SYNDIG1: variants seen among roughly 807,000 people sequenced by gnomAD.
SYNDIG1 encodes synapse differentiation-inducing gene protein 1.
In SYNDIG1, 9 loss-of-function variants were observed where a neutral mutation model predicts 19.4. The ratio of observed to expected loss-of-function variants is 0.46; its 90% CI spans 0.28 to 0.81. The LOEUF (loss-of-function observed/expected upper bound fraction) is 0.81, where lower values mean the gene tolerates loss of function less well. SYNDIG1 is among the 30% of genes least tolerant of loss of function. The probability of loss-of-function intolerance (pLI) is 0.12; values close to 1 mark genes in which losing one functional copy is unlikely to be tolerated. For synonymous variants in SYNDIG1, 141 were observed against 145.9 expected (o/e 0.97, Z 0.24); for missense variants, 311 against 343.3 (o/e 0.91, Z 0.74).
intron 3 of SYNDIG1, among the ~76,000 whole-genome samples, chr20:24,644,925 A>G (rs1333955249): frequency 6.6e-6 from 1 of 152,246 alleles, no homozygotes; most frequent in Non-Finnish European, 1.5e-5. Context: ...CAAAGACCCC[A>G]TGACACAGTA....
chr20:24,566,080 T>C (rs1445231459), intron 2 of SYNDIG1, among the ~76,000 whole-genome samples: 1 of 151,566 alleles, frequency 6.6e-6, no homozygotes, highest in Non-Finnish European at 1.5e-5. Context: ...AGTGAGTGAG[T>C]GGGGAATTCA....
At chr20:24,655,003 G>T (rs941435961) in intron 3 of SYNDIG1, among the ~76,000 whole-genome samples, 3 of 152,208 alleles carry the variant, frequency 2.0e-5, no homozygotes, top group African/African-American at 4.8e-5. Flanking sequence ...CACGCATGAT[G>T]TTCCGAAGCC....
At chr20:24,600,435 C>T (rs899049346) in intron 3 of SYNDIG1, among the ~76,000 whole-genome samples, 3 of 152,142 alleles carry the variant, frequency 2.0e-5, no homozygotes, top group Admixed American at 2.0e-4. Context: ...CTGGGACCCC[C>T]AGGGTAGAAG....
At chr20:24,473,033 C>A (rs2055514844) in intron 1 of SYNDIG1, among the ~76,000 whole-genome samples, 1 of 152,194 alleles carries the variant, frequency 6.6e-6, no homozygotes, top group Non-Finnish European at 1.5e-5. Context: ...TTCAGACCCT[C>A]ATGCACATTG....
intron 1 of SYNDIG1, among the ~76,000 whole-genome samples, chr20:24,480,801 G>T (rs1012520365): frequency 1.3e-5 from 2 of 152,174 alleles, no homozygotes; most frequent in African/African-American, 4.8e-5. Flanking sequence ...GCCTTGAAAA[G>T]AAAAGAAATT....
At chr20:24,594,248 A>G (rs1001103918) in intron 3 of SYNDIG1, among the ~76,000 whole-genome samples, 1 of 152,184 alleles carries the variant, frequency 6.6e-6, no homozygotes, top group Non-Finnish European at 1.5e-5. Context: ...CTTTCTGCAT[A>G]TGGCTAGCCA....
At position 24,500,522 on chromosome 20, in the gene SYNDIG1, CT is replaced by C. The variant is rs1412027848; in HGVS notation, c.-79+30772del. Among the ~76,000 whole-genome samples, 971 of 131,124 alleles carry C rather than the reference CT, an allele frequency of 7.4e-3. 10 individuals are homozygous for C. Among genetic ancestry groups the C allele is most frequent in the African/African-American group, 0.025 (901 of 35,538 alleles). 86.0% of individuals were successfully genotyped at this position (131,124 alleles called of 152,430 possible). On this transcript the variant is annotated intron_variant, in intron 1 of 3. Coordinates refer to ENST00000376862, the MANE Select transcript of SYNDIG1 (RefSeq NM_024893.3). ...TCTTTCTTTCTTTCTTTCTTTCTTT[CT>C]TTCTTTCTTCTTTCTTTCTTTCTTT... is the stretch of plus-strand genomic sequence containing the variant.
intron 3 of SYNDIG1, among the ~76,000 whole-genome samples, chr20:24,595,685 T>G (rs916378476): frequency 2.0e-5 from 3 of 152,242 alleles, no homozygotes; most frequent in Admixed American, 6.5e-5. Context: ...ATTGGCCTTT[T>G]CAGGGGTTCA....
At chr20:24,515,599 G>C (rs929371910) in intron 1 of SYNDIG1, among the ~76,000 whole-genome samples, 19 of 152,012 alleles carry the variant, frequency 1.2e-4, no homozygotes, top group African/African-American at 4.1e-4. Context: ...TTGCTTCAAA[G>C]AGAATAAAAT....
At chr20:24,532,379 A>G (rs952171838) in intron 1 of SYNDIG1, among the ~76,000 whole-genome samples, 6 of 152,208 alleles carry the variant, frequency 3.9e-5, no homozygotes, top group African/African-American at 1.4e-4. Flanking sequence ...CACATAGTGT[A>G]TGATTCCAGT....
intron 3 of SYNDIG1, among the ~76,000 whole-genome samples, chr20:24,623,182 A>T (rs2059065694): frequency 6.6e-6 from 1 of 151,844 alleles, no homozygotes. Flanking sequence ...CCGTCAAAAA[A>T]AAAAAAGAAA....
At chr20:24,605,135 G>A (rs1208369917) in intron 3 of SYNDIG1, among the ~76,000 whole-genome samples, 1 of 152,196 alleles carries the variant, frequency 6.6e-6, no homozygotes, top group East Asian at 1.9e-4. Context: ...TCCCAACCAA[G>A]CAGGAGTGAT....
chr20:24,580,218 G>A lies in SYNDIG1; in HGVS notation c.481-4638G>A, dbSNP rs971838135. On this transcript the variant is annotated intron_variant, in intron 2 of 3. Coordinates refer to ENST00000376862, the MANE Select transcript of SYNDIG1 (RefSeq NM_024893.3). ...AGTCTTTCTTGGTGTTGGGGATTGT[G>A]TGTATTTCTCTGCTTGGCTTGTTGG... Among the ~76,000 whole-genome samples the A allele has an allele frequency of 2.0e-5, 3 of 152,186 alleles. No homozygotes were observed. In the South Asian group the frequency reaches 6.2e-4, roughly 32 times the overall value.
chr20:24,517,341 T>C (rs1468281494), intron 1 of SYNDIG1, among the ~76,000 whole-genome samples: 1 of 149,180 alleles, frequency 6.7e-6, no homozygotes, highest in Admixed American at 6.7e-5. Flanking sequence ...ATATGCCGGG[T>C]GTGGTGGCTC....
chr20:24,501,834 G>C (rs551080153), intron 1 of SYNDIG1, among the ~76,000 whole-genome samples: 1 of 152,332 alleles, frequency 6.6e-6, no homozygotes, highest in East Asian at 1.9e-4. Context: ...AGCAAGTAAG[G>C]CCGGTGCCCC....
chr20:24,475,214 G>C (rs574765652), intron 1 of SYNDIG1, among the ~76,000 whole-genome samples: 1 of 152,316 alleles, frequency 6.6e-6, no homozygotes, highest in South Asian at 2.1e-4. Context: ...ATTAAGTCCT[G>C]GGACAGTTTC....
At chr20:24,470,474 A>G (rs938813759) in intron 1 of SYNDIG1, among the ~76,000 whole-genome samples, 2 of 147,622 alleles carry the variant, frequency 1.4e-5, no homozygotes, top group African/African-American at 5.4e-5. Context: ...CCTGGGAGCC[A>G]CAGCCCTGGC....
At chr20:24,591,898 T>C (rs1387332312) in intron 3 of SYNDIG1, among the ~76,000 whole-genome samples, 1 of 152,222 alleles carries the variant, frequency 6.6e-6, no homozygotes, top group Non-Finnish European at 1.5e-5. Flanking sequence ...GAGGAAATCA[T>C]AGTCTTGCTT....
At chr20:24,612,404 C>T (rs537846807) in intron 3 of SYNDIG1, among the ~76,000 whole-genome samples, 2 of 152,296 alleles carry the variant, frequency 1.3e-5, no homozygotes, top group African/African-American at 4.8e-5. Flanking sequence ...TTGACATAAA[C>T]ATCCTTGTGC....
Sources: gnomAD v4.1 joint callset for allele counts (sites outside exome capture counted in the v4.1 genomes callset) on GRCh38, gnomAD v4.1.1 for gene constraint, MANE v1.5 for transcripts, NCBI Gene and HGNC (gene_info 2026-07-23, HGNC 2026-07-21) for gene names.